Variants in CRMP1 observed in about 807,000 individuals in gnomAD.
CRMP1 encodes the protein dihydropyrimidinase-related protein 1.
In CRMP1, 19 loss-of-function variants were observed where a neutral mutation model predicts 68.3. That is an observed-to-expected ratio of 0.28 (90% CI 0.19 to 0.41). The LOEUF is 0.41. Among genes scored for constraint, CRMP1 ranks in the 10% least tolerant of loss-of-function variants. The pLI is 1.00. For synonymous variants in CRMP1, 439 were observed against 399.6 expected, an observed-to-expected ratio of 1.10 and a Z score of -1.18; for missense variants, 791 against 967.4, an observed-to-expected ratio of 0.82 and a Z score of 2.42.
chr4:5,862,544 G>C (rs970221255), intron 2 of CRMP1, among the ~76,000 whole-genome samples: 2 of 152,220 alleles, frequency 1.3e-5, no homozygotes, highest in Non-Finnish European at 2.9e-5. Flanking sequence ...CTGGAGAACA[G>C]CGTCTTCTAA....
rs1419687517 is a variant in CRMP1, at chr4:5,889,131, C to G, written c.381+3458G>C. Among the ~76,000 whole-genome samples, 2 of 152,190 alleles carry G rather than the reference C, an allele frequency of 1.3e-5. No individual in the cohort carries two copies. The highest frequency in any genetic ancestry group is 4.8e-5 in the African/African-American group (2 of 41,444). ...ACGAAGCCTCTCCCTGCCACCCTCTCCATCCTAGCATTGAACCAGCCCTCC... is the reference window on the plus strand; with the variant it reads ...ACGAAGCCTCTCCCTGCCACCCTCTGCATCCTAGCATTGAACCAGCCCTCC... On this transcript the variant is annotated intron_variant, in intron 1 of 13. Coordinates refer to ENST00000324989, the MANE Select transcript of CRMP1 (RefSeq NM_001014809.3). This position sits in a 1 kb window ranked among gnomAD's most constrained non-coding sequence, Gnocchi z 4.5.
intron 8 of CRMP1, among the ~76,000 whole-genome samples, chr4:5,840,426 C>A (rs959449156): frequency 6.6e-6 from 1 of 152,188 alleles, no homozygotes; most frequent in African/African-American, 2.4e-5. Context: ...TGGCCCGAGA[C>A]CCCCTGCTGC....
chr4:5,881,345 G>A lies in CRMP1; in HGVS notation c.381+11244C>T, dbSNP rs1715207293. Among the ~76,000 whole-genome samples the A allele has an allele frequency of 6.6e-6, 1 of 152,022 alleles. No individual in the cohort carries two copies. The highest frequency in any genetic ancestry group is 2.1e-4 in the South Asian group (1 of 4,814). Reference sequence around the variant, plus strand: ...ATGATTTGGTCATTACAGCTCTCTAGGGCAATGGTTCTCAACCTTACTGTA... The same window carrying A: ...ATGATTTGGTCATTACAGCTCTCTAAGGCAATGGTTCTCAACCTTACTGTA... On this transcript the variant is annotated intron_variant, in intron 1 of 13. Transcript: ENST00000324989. This position sits in a 1 kb window ranked among gnomAD's most constrained non-coding sequence, Gnocchi z 4.6.
intron 1 of CRMP1, among the ~76,000 whole-genome samples, chr4:5,880,678 A>C (rs1715167143): frequency 6.6e-6 from 1 of 152,160 alleles, no homozygotes. Flanking sequence ...CCCATTGTCA[A>C]AGCACCACTT....
At chr4:5,867,600 G>T (rs571438575) in intron 1 of CRMP1, among the ~76,000 whole-genome samples, 1 of 152,118 alleles carries the variant, frequency 6.6e-6, no homozygotes, top group Non-Finnish European at 1.5e-5. Context: ...ATCAGCTACC[G>T]ACTGATGCTC....
rs1176637821 is a variant in CRMP1 at position 5,866,829 on chromosome 4, A to G, written c.382-73T>C. 9.5e-6 allele frequency: 10 copies of G among 1,048,922 alleles called. No homozygotes were observed. The highest frequency in any genetic ancestry group is 1.2e-5 in the Non-Finnish European group (9 of 732,418). 65.0% of individuals were successfully genotyped at this position (1,048,922 alleles called of 1,614,324 possible). A position where few individuals can be genotyped will look rare whatever the true frequency, so the allele number is the denominator to read the frequency against. ...TAAAGTTTTTTCTTTTTAATTTTTA[A>G]TATAAGAATTATCAAATATTTTCAA... On this transcript the variant is annotated intron_variant, in intron 1 of 13. Coordinates refer to ENST00000324989, the MANE Select transcript of CRMP1 (RefSeq NM_001014809.3). This position sits in a 1 kb window ranked among gnomAD's most constrained non-coding sequence, Gnocchi z 5.9.
rs1189538687 is a variant in CRMP1, at chr4:5,891,929, C to T, written c.381+660G>A. Among the ~76,000 whole-genome samples, 1 of 152,222 alleles carries T rather than the reference C, an allele frequency of 6.6e-6. No homozygotes were observed. The highest frequency in any genetic ancestry group is 1.5e-5 in the Non-Finnish European group (1 of 68,046). On this transcript the variant is annotated intron_variant, in intron 1 of 13. Transcript: ENST00000324989. This position sits in a 1 kb window ranked among gnomAD's most constrained non-coding sequence, Gnocchi z 5.2. ...TCCACCTTGCTCTGTGAAGCAGGCACATCGGTGTGTGCTGTGGAGCTCAGG... is the reference window on the plus strand; with the variant it reads ...TCCACCTTGCTCTGTGAAGCAGGCATATCGGTGTGTGCTGTGGAGCTCAGG...
At chr4:5,862,675 G>A (rs1374693606) in intron 2 of CRMP1, among the ~76,000 whole-genome samples, 5 of 152,234 alleles carry the variant, frequency 3.3e-5, no homozygotes, top group South Asian at 2.1e-4. Flanking sequence ...GCCGCTGGCT[G>A]TAGACATGCA....
rs780221373 is a variant in CRMP1 at position 5,843,438 on chromosome 4, G to C, written c.964-277C>G. ...GAGAGGAAGCAGGGTTATAAGACAC[G>C]AGCTTCCAAGGCCACCCACCACTCT... On this transcript the variant is annotated intron_variant, in intron 6 of 13. Coordinates refer to ENST00000324989, the MANE Select transcript of CRMP1 (RefSeq NM_001014809.3). This position sits in a 1 kb window ranked among gnomAD's most constrained non-coding sequence, Gnocchi z 4.1. 1.2e-4 allele frequency among the ~76,000 whole-genome samples: 18 copies of C among 152,002 alleles called. No homozygotes were observed. The highest frequency in any genetic ancestry group is 2.2e-4 in the Non-Finnish European group (15 of 67,980).
intron 11 of CRMP1, among the ~76,000 whole-genome samples, chr4:5,829,949 A>C (rs1720240897): frequency 6.6e-6 from 1 of 152,224 alleles, no homozygotes; most frequent in African/African-American, 2.4e-5. Flanking sequence ...TCCAAAAAAG[A>C]CAACACTAGT....
rs1439598328 is a variant in CRMP1 at position 5,849,507 on chromosome 4, T to C, written c.883-35A>G. ...GATAAACAGGGGTTGGTGTGAGATT[T>C]AAAAAAAAAAAAAAATCACAGCGTG... On this transcript the variant is annotated intron_variant, in intron 5 of 13. Coordinates refer to ENST00000324989, the MANE Select transcript of CRMP1 (RefSeq NM_001014809.3). The C allele has an allele frequency of 7.7e-6, 9 of 1,170,824 alleles. No individual in the cohort carries two copies. The South Asian group carries it at 1.2e-4, about 16-fold the overall frequency. The allele number at this position is 1,170,824 out of a possible 1,614,324, so 72.5% of individuals were successfully genotyped here.
In CRMP1 at chr4:5,851,403, C is replaced by A; in HGVS notation, c.882+5G>T. On this transcript the variant is annotated splice_donor_5th_base_variant and intron_variant, in intron 5 of 13. Transcript: ENST00000324989. Reference sequence around the variant, plus strand: ...GAGAGGAGAGAGTGAGTGTGAGGGACCTACCTGGCTGTCGGACATTTGGTA... The same window carrying A: ...GAGAGGAGAGAGTGAGTGTGAGGGAACTACCTGGCTGTCGGACATTTGGTA... 1 of 1,613,944 alleles carries A rather than the reference C, an allele frequency of 6.2e-7. No individual in the cohort carries two copies. Among genetic ancestry groups the A allele is most frequent in the Non-Finnish European group, 8.5e-7 (1 of 1,179,812 alleles).
intron 11 of CRMP1, among the ~76,000 whole-genome samples, chr4:5,829,804 T>C (rs1340100178): frequency 6.6e-6 from 1 of 152,242 alleles, no homozygotes; most frequent in Non-Finnish European, 1.5e-5. Flanking sequence ...AATAAACAGT[T>C]GGGTCATTAC....
chr4:5,887,842 G>A (rs1715705867), intron 1 of CRMP1: 2 of 1,002,456 alleles, frequency 2.0e-6, no homozygotes, highest in Non-Finnish European at 2.4e-6. Flanking sequence ...GCCGAGCCAA[G>A]GAGGCTCAGC....
intron 1 of CRMP1, among the ~76,000 whole-genome samples, chr4:5,880,791 G>A (rs1413705193): frequency 6.6e-6 from 1 of 152,202 alleles, no homozygotes; most frequent in African/African-American, 2.4e-5. Flanking sequence ...TCCACAGACA[G>A]TGCCTTGTTA....
rs1713927250 is a variant in CRMP1 at position 5,865,516 on chromosome 4, G to A, written c.470+1152C>T. Among the ~76,000 whole-genome samples, 2 of 151,924 alleles carry A rather than the reference G, an allele frequency of 1.3e-5. No individual in the cohort carries two copies. The highest frequency in any genetic ancestry group is 4.2e-4 in the South Asian group (2 of 4,798). On this transcript the variant is annotated intron_variant, in intron 2 of 13. Transcript: ENST00000324989. The surrounding 1 kb of genome is among the most constrained non-coding windows in gnomAD (Gnocchi z 4.1). ...CATGCCTGTAGTCCTAGCTACTCGG[G>A]AGGCTGAGGCAGGGGAGTCGATTGA...
In CRMP1 at chr4:5,870,856, C is replaced by T. The variant is rs1714386299; in HGVS notation, c.382-4100G>A. On this transcript the variant is annotated intron_variant, in intron 1 of 13. Transcript: ENST00000324989. The surrounding 1 kb of genome is among the most constrained non-coding windows in gnomAD (Gnocchi z 6.0). The stretch of plus-strand genomic sequence containing the variant: ...CCAGGCTCTGCACGTCCAGGAAGCA[C>T]CCACAAGCTGGCGTGCATGTTTCCC... Among the ~76,000 whole-genome samples the T allele has an allele frequency of 6.6e-6, 1 of 152,130 alleles. No homozygotes were observed. The highest frequency in any genetic ancestry group is 1.5e-5 in the Non-Finnish European group (1 of 68,024).
chr4:5,837,370 C>A (rs1243298871), intron 9 of CRMP1, among the ~76,000 whole-genome samples: 1 of 151,646 alleles, frequency 6.6e-6, no homozygotes, highest in Non-Finnish European at 1.5e-5. Context: ...TGGCTCACAC[C>A]TGTAATCCCA....
At position 5,861,422 on chromosome 4, in the gene CRMP1, G is replaced by A. The variant is rs974009094; in HGVS notation, c.471-212C>T. Among the ~76,000 whole-genome samples the A allele has an allele frequency of 1.3e-5, 2 of 152,210 alleles. No individual in the cohort carries two copies. Among genetic ancestry groups the A allele is most frequent in the Non-Finnish European group, 1.5e-5 (1 of 68,038 alleles). On this transcript the variant is annotated intron_variant, in intron 2 of 13. Coordinates refer to ENST00000324989, the MANE Select transcript of CRMP1 (RefSeq NM_001014809.3). This position sits in a 1 kb window ranked among gnomAD's most constrained non-coding sequence, Gnocchi z 6.0. Reference sequence around the variant, plus strand: ...CAGGTGGGCAGACTGTTAGAGCCCAGTATAGCAGAGATGATCGGGGGCACG... The same window carrying A: ...CAGGTGGGCAGACTGTTAGAGCCCAATATAGCAGAGATGATCGGGGGCACG...
Sources: allele counts gnomAD v4.1 joint callset (sites outside exome capture counted in the v4.1 genomes callset), GRCh38; gene constraint gnomAD v4.1.1; non-coding constraint Gnocchi (gnomAD v3.1); transcripts MANE v1.5; gene names NCBI Gene and HGNC (gene_info 2026-07-23, HGNC 2026-07-21).